The following C13orf42 variants were observed in gnomAD, a reference collection of about 807,000 sequenced individuals.
C13orf42 encodes the protein uncharacterized protein C13orf42.
In C13orf42 at chr13:51,104,244, T is replaced by C. The variant is rs535124827; in HGVS notation, c.414+6552A>G. 9.2e-5 allele frequency among the ~76,000 whole-genome samples: 14 copies of C among 152,358 alleles called. No individual in the cohort carries two copies. In the East Asian group the frequency reaches 1.3e-3, roughly 15 times the overall value. Reference sequence around the variant, plus strand: ...CTTAATAATCCTTTGGATGAATTATTATACACTTATATAAATGATAATTTG... The same window carrying C: ...CTTAATAATCCTTTGGATGAATTATCATACACTTATATAAATGATAATTTG... On this transcript the variant is annotated intron_variant, in intron 1 of 3. Coordinates refer to ENST00000563710, the MANE Select transcript of C13orf42 (RefSeq NM_001351589.3).
chr13:51,124,162 AACTG>A (rs1425352618), intron 1 of C13orf42, among the ~76,000 whole-genome samples: 3 of 152,142 alleles, frequency 2.0e-5, no homozygotes, highest in Non-Finnish European at 4.4e-5. Context: ...CCCACCCAGG[AACTG>A]ACTCAGTATA....
In C13orf42 at chr13:51,082,350, A is replaced by AGAC. The variant is rs1444430410; in HGVS notation, c.*1798_*1800dup. On this transcript the variant is annotated 3_prime_UTR_variant, in exon 4 of 4. Coordinates refer to ENST00000563710, the MANE Select transcript of C13orf42 (RefSeq NM_001351589.3). ...AAAACATACAAAACAAAGCAAAATA[A>AGAC]GACGGCACAGCTTCATGTGCCATAA... 6.6e-6 allele frequency: 1 copy of AGAC among 152,246 alleles called. No homozygotes were observed. Among genetic ancestry groups the AGAC allele is most frequent in the African/African-American group, 2.4e-5 (1 of 41,470 alleles). The allele number at this position is 152,246 out of a possible 1,614,324, so 9.4% of individuals were successfully genotyped here.
Position 51,139,146 on chromosome 13 carries a change from G to A in C13orf42, n.137-25924C>T, listed in dbSNP as rs991199223. Among the ~76,000 whole-genome samples the A allele has an allele frequency of 4.0e-4, 61 of 152,014 alleles. 1 individual carries two copies. Among genetic ancestry groups the A allele is most frequent in the Admixed American group, 9.8e-4 (15 of 15,254 alleles). On this transcript the variant is annotated intron_variant and non_coding_transcript_variant, in intron 1 of 4. Transcript: ENST00000433280. The stretch of plus-strand genomic sequence containing the variant: ...AGTCTGACCAGCATGGTGAAACCCC[G>A]TCTCTACTAAAAACACAAATTAGCT...
rs564260281 is a variant in C13orf42, at chr13:51,097,120, T to A, written c.415-9045A>T. On this transcript the variant is annotated intron_variant, in intron 1 of 3. Transcript: ENST00000563710. ...TAGAGATCCTCCTCATCCCTTTTAA[T>A]AGCTGTTCTCCATTGTACAGACATG... Among the ~76,000 whole-genome samples the A allele has an allele frequency of 1.3e-3, 201 of 152,364 alleles. 1 individual carries two copies. In the South Asian group the frequency reaches 0.022, roughly 16 times the overall value.
intron 1 of C13orf42, among the ~76,000 whole-genome samples, chr13:51,156,211 G>A (rs184939919): frequency 1.5e-3 from 234 of 152,318 alleles, no homozygotes; most frequent in African/African-American, 5.4e-3. Flanking sequence ...GAGGTAGGGA[G>A]CAAACAGTTT....
intron 2 of C13orf42, among the ~76,000 whole-genome samples, chr13:51,087,640 C>A (rs765460007): frequency 4.6e-5 from 7 of 152,164 alleles, no homozygotes; most frequent in African/African-American, 1.7e-4. Flanking sequence ...CTGTCTCAGC[C>A]GTGGTAAGTG....
rs970727810 is a variant in C13orf42 at position 51,089,756 on chromosome 13, C to G, written c.415-1681G>C. Among the ~76,000 whole-genome samples, 3 of 151,726 alleles carry G rather than the reference C, an allele frequency of 2.0e-5. No individual in the cohort carries two copies. In the East Asian group the frequency reaches 5.9e-4, roughly 30 times the overall value. On this transcript the variant is annotated intron_variant, in intron 1 of 3. Coordinates refer to ENST00000563710, the MANE Select transcript of C13orf42 (RefSeq NM_001351589.3). ...CCACCTGCTTTCTGACTGGCAGAAG[C>G]TTTTGGAAATCTCTCTTCCACAGAT...
chr13:51,150,800 G>A (rs571271864), intron 1 of C13orf42, among the ~76,000 whole-genome samples: 39 of 152,210 alleles, frequency 2.6e-4, no homozygotes, highest in African/African-American at 8.7e-4. Context: ...ATTAGCACTT[G>A]CTGAGGTAAA....
rs115983213 is a variant in C13orf42, at chr13:51,159,270, G to A, written n.136+12983C>T. Among the ~76,000 whole-genome samples, 425 of 152,240 alleles carry A rather than the reference G, an allele frequency of 2.8e-3. 1 individual carries two copies. Among genetic ancestry groups the A allele is most frequent in the African/African-American group, 9.6e-3 (400 of 41,514 alleles). ...ACCTATGATTTATATTTTCTTCCCC[G>A]GAGGTTGCTTTTTGTGGATTTCAGA... is the stretch of plus-strand genomic sequence containing the variant. On this transcript the variant is annotated intron_variant and non_coding_transcript_variant, in intron 1 of 4. Transcript: ENST00000433280.
At chr13:51,125,224 G>A (rs1953566598) in intron 1 of C13orf42, among the ~76,000 whole-genome samples, 1 of 152,164 alleles carries the variant, frequency 6.6e-6, no homozygotes, top group Admixed American at 6.5e-5. Context: ...ATCTTTCAAG[G>A]TTTGCAGGAA....
At chr13:51,170,248 G>A (rs1022904265) in intron 1 of C13orf42, among the ~76,000 whole-genome samples, 4 of 152,140 alleles carry the variant, frequency 2.6e-5, no homozygotes, top group African/African-American at 4.8e-5. Flanking sequence ...CTGCACCCAG[G>A]TGAAATAAAC....
At chr13:51,133,942 G>T (rs558991869) in intron 1 of C13orf42, among the ~76,000 whole-genome samples, 6 of 151,936 alleles carry the variant, frequency 3.9e-5, no homozygotes, top group Non-Finnish European at 7.4e-5. Context: ...AGCCTTCCTG[G>T]GGTCCTCTAC....
intron 1 of C13orf42, among the ~76,000 whole-genome samples, chr13:51,149,312 GA>G (rs60935214): frequency 0.032 from 3,344 of 103,080 alleles, 87 homozygotes; most frequent in African/African-American, 0.094. Flanking sequence ...GGCTGAAATT[GA>G]AAAAAAAAAA....
intron 1 of C13orf42, among the ~76,000 whole-genome samples, chr13:51,091,985 TCCATCCATC>T (rs1293020265): frequency 6.6e-5 from 10 of 152,128 alleles, no homozygotes; most frequent in African/African-American, 2.4e-4. Flanking sequence ...GTAACGAGAC[TCCATCCATC>T]CCCTGCTGCT....
rs951750491 is a variant in C13orf42, at chr13:51,085,525, A to C, written c.597T>G (p.Ser199=). Residue 199 remains serine, a synonymous_variant, in exon 3 of 4, where the codon TCT becomes TCG. Transcript: ENST00000563710. The part of the protein sequence containing the change: ...ATSSREHSLH[S]NWILRAPRRH... Reference sequence around the variant, plus strand: ...TGCGCGGTGCCCGCAGGATCCAGTTAGAATGCAAGCTGTGCTCCCTGGAGC... The same window carrying C: ...TGCGCGGTGCCCGCAGGATCCAGTTCGAATGCAAGCTGTGCTCCCTGGAGC... 1.8e-5 allele frequency: 7 copies of C among 398,602 alleles called. No homozygotes were observed. The East Asian group carries it at 2.5e-4, about 14-fold the overall frequency. 24.7% of individuals were successfully genotyped at this position (398,602 alleles called of 1,614,324 possible).
intron 1 of C13orf42, among the ~76,000 whole-genome samples, chr13:51,094,268 C>T (rs1259833559): frequency 2.0e-5 from 3 of 152,122 alleles, no homozygotes; most frequent in African/African-American, 7.2e-5. Flanking sequence ...ATACATGTTA[C>T]GGATTTTATT....
intron 1 of C13orf42, among the ~76,000 whole-genome samples, chr13:51,169,275 G>C (rs1953926546): frequency 6.6e-6 from 1 of 152,188 alleles, no homozygotes; most frequent in Non-Finnish European, 1.5e-5. Context: ...CGAAATCCAG[G>C]CTGAAGAGGT....
Position 51,151,670 on chromosome 13 carries a change from A to G in C13orf42, n.136+20583T>C, listed in dbSNP as rs577617386. 5.9e-5 allele frequency among the ~76,000 whole-genome samples: 9 copies of G among 152,332 alleles called. No homozygotes were observed. The East Asian group carries it at 9.6e-4, about 16-fold the overall frequency. On this transcript the variant is annotated intron_variant and non_coding_transcript_variant, in intron 1 of 4. Transcript: ENST00000433280. Reference sequence around the variant, plus strand: ...GTCCAGTAGGGAGAGAAAATTCTGCACATGCAGGTAAAGCAACATGCTATG... The same window carrying G: ...GTCCAGTAGGGAGAGAAAATTCTGCGCATGCAGGTAAAGCAACATGCTATG...
chr13:51,098,141 CT>C (rs1220183487), intron 1 of C13orf42, among the ~76,000 whole-genome samples: 6 of 151,970 alleles, frequency 3.9e-5, no homozygotes, highest in African/African-American at 4.8e-5. Context: ...TATTATTTAT[CT>C]TTTTTTTCAT....
Sources: allele counts gnomAD v4.1 joint callset (sites outside exome capture counted in the v4.1 genomes callset), GRCh38; gene constraint gnomAD v4.1.1; transcripts MANE v1.5; gene names NCBI Gene and HGNC (gene_info 2026-07-23, HGNC 2026-07-21).